The following NUP50 variants were observed in gnomAD, a reference collection of about 807,000 sequenced individuals.
NUP50 encodes the protein nucleoporin 50.
A neutral mutation model predicts 36.8 loss-of-function variants in NUP50; 14 were observed. The ratio of observed to expected loss-of-function variants is 0.38; its 90% CI spans 0.25 to 0.59. NUP50 has a LOEUF of 0.59. Among genes scored for constraint, NUP50 ranks in the 20% least tolerant of loss-of-function variants. The probability of loss-of-function intolerance (pLI) is 0.63; values close to 1 mark genes in which losing one functional copy is unlikely to be tolerated. For synonymous variants in NUP50, 195 were observed against 210.8 expected (o/e 0.93, Z 0.65); for missense variants, 455 against 564.6 (o/e 0.81, Z 1.97).
At position 45,178,643 on chromosome 22, in the gene NUP50, A is replaced by C. The variant is rs1280020208; in HGVS notation, c.746A>C (p.Lys249Thr). The C allele has an allele frequency of 6.2e-7, 1 of 1,611,916 alleles. No individual in the cohort carries two copies. Among genetic ancestry groups the C allele is most frequent in the African/African-American group, 1.3e-5 (1 of 74,854 alleles). Reference protein sequence around the residue: ...HGNKTEDTPDKKMEVASEKKT... With the variant: ...HGNKTEDTPDTKMEVASEKKT... ...AACAAAACTGAAGATACACCTGACA[A>C]GAAGATGGAGGTGGCATCTGAAAAG... Residue 249 changes from lysine (K) to threonine (T), a missense_variant, in exon 5 of 8, where the codon AAG (lysine) becomes ACG (threonine). By Grantham distance (78) the Lys-to-Thr change is moderately conservative (BLOSUM62 -1). Transcript: ENST00000347635.
At chr22:45,179,917 T>C (rs898185422) in intron 5 of NUP50, among the ~76,000 whole-genome samples, 1 of 152,212 alleles carries the variant, frequency 6.6e-6, no homozygotes, top group Admixed American at 6.5e-5. Flanking sequence ...CATATGGACA[T>C]ACTGATCCTT....
At chr22:45,168,741 G>C (rs947300824) in intron 2 of NUP50, among the ~76,000 whole-genome samples, 7 of 151,970 alleles carry the variant, frequency 4.6e-5, no homozygotes, top group African/African-American at 1.7e-4. Context: ...GTAGACCTGA[G>C]ACCCCTAACA....
At chr22:45,164,423 A>T (rs1360545366) in intron 1 of NUP50, 127 bp downstream of exon 1, 1 of 149,192 alleles carries the variant, frequency 6.7e-6, no homozygotes, top group African/African-American at 2.5e-5. Flanking sequence ...AGGGCTGGGG[A>T]CTGGACCCTG....
chr22:45,178,960 C>A, intron 5 of NUP50, 60 bp downstream of exon 5: 3 of 1,493,896 alleles, frequency 2.0e-6, no homozygotes, highest in South Asian at 2.6e-5. Context: ...TCTTGGGAAA[C>A]CCAGAGACTT....
At chr22:45,181,139 C>A in intron 5 of NUP50, 147 bp from the exon 6 acceptor site, 1 of 56,662 alleles carries the variant, frequency 1.8e-5, no homozygotes, top group Non-Finnish European at 4.3e-5. Context: ...CTGGCATCCC[C>A]CCCCCCCCCC....
Position 45,185,014 on chromosome 22 carries a change from C to T in NUP50, c.*359C>T, listed in dbSNP as rs575194821. 3 of 304,874 alleles carry T rather than the reference C, an allele frequency of 9.8e-6. No homozygotes were observed. The highest frequency in any genetic ancestry group is 1.9e-5 in the Non-Finnish European group (3 of 159,350). The allele number at this position is 304,874 out of a possible 1,614,324, so 18.9% of individuals were successfully genotyped here. Reference sequence around the variant, plus strand: ...CCGTGGGTTTTGGGGTCCACCGCCACCACGAGAGAGGCTTTTGAACAGGTG... The same window carrying T: ...CCGTGGGTTTTGGGGTCCACCGCCATCACGAGAGAGGCTTTTGAACAGGTG... On this transcript the variant is annotated 3_prime_UTR_variant, in exon 8 of 8. Coordinates refer to ENST00000347635, the MANE Select transcript of NUP50 (RefSeq NM_007172.4).
At chr22:45,184,374 A>C (rs1569058812) in intron 7 of NUP50, 79 bp from the exon 8 acceptor site, 2 of 1,257,796 alleles carry the variant, frequency 1.6e-6, no homozygotes, top group East Asian at 4.7e-5. Context: ...TTCAGCATTT[A>C]ATGTTTAGCA....
Position 45,178,498 on chromosome 22 carries a change from C to T in NUP50, c.601C>T (p.His201Tyr), listed in dbSNP as rs781194726. The T allele has an allele frequency of 1.2e-6, 2 of 1,612,176 alleles. No individual in the cohort carries two copies. Among genetic ancestry groups the T allele is most frequent in the Non-Finnish European group, 8.5e-7 (1 of 1,179,880 alleles). ...EKYLANIEQQ[H>Y]GNSGRNSESE... ...ATATTTAGCAAACATTGAACAGCAA[C>T]ACGGGAACAGTGGCAGGAATTCTGA... Residue 201 changes from histidine to tyrosine, a missense_variant, in exon 5 of 8, where the codon CAC becomes TAC. This residue lies in a region of NUP50 where 287 missense variants were observed against 345.5 expected (regional missense o/e 0.83). Transcript: ENST00000347635.
chr22:45,168,259 T>C lies in NUP50; in HGVS notation c.69+13T>C, dbSNP rs1373325113. On this transcript the variant is annotated intron_variant, in intron 2 of 7. Coordinates refer to ENST00000347635, the MANE Select transcript of NUP50 (RefSeq NM_007172.4). ...TGAAGCTGAAGAGGTAAAAAGCAGC[T>C]TCCCTAAGAATGATTTCCTGTTTCT... 3.1e-6 allele frequency: 5 copies of C among 1,593,734 alleles called. No individual in the cohort carries two copies. Among genetic ancestry groups the C allele is most frequent in the Non-Finnish European group, 3.4e-6 (4 of 1,169,278 alleles).
intron 5 of NUP50, among the ~76,000 whole-genome samples, chr22:45,180,982 ATTT>A (rs34406699): frequency 6.6e-6 from 1 of 150,566 alleles, no homozygotes. Flanking sequence ...TAGAGTGTTG[ATTT>A]TTTTTTTCTG....
chr22:45,171,895 C>CAAGA, intron 3 of NUP50: 1 of 470,956 alleles, frequency 2.1e-6, no homozygotes, highest in South Asian at 2.8e-5. Context: ...TAAATATAGA[C>CAAGA]AAATTCAAGT....
chr22:45,178,066 C>T (rs1016501892), intron 4 of NUP50, 172 bp from the exon 5 acceptor site: 4 of 611,230 alleles, frequency 6.5e-6, no homozygotes, highest in East Asian at 2.9e-5. Flanking sequence ...GCAGAGGTTG[C>T]AGTGAGCCAA....
chr22:45,168,356 A>G, intron 2 of NUP50, 110 bp downstream of exon 2: 1 of 727,268 alleles, frequency 1.4e-6, no homozygotes, highest in Admixed American at 2.9e-5. Flanking sequence ...TTCTAAGAAC[A>G]TCATGAATGG....
Position 45,178,628 on chromosome 22 carries a change from A to T in NUP50, c.731A>T (p.Glu244Val). 1 of 1,612,056 alleles carries T rather than the reference A, an allele frequency of 6.2e-7. No individual in the cohort carries two copies. The highest frequency in any genetic ancestry group is 8.5e-7 in the Non-Finnish European group (1 of 1,179,866). The change falls in exon 5 of 8, where the codon GAA becomes GTA. Residue 244 changes from glutamate (E) to valine (V), a missense_variant. Physicochemically the swap from Glu to Val is moderately radical, Grantham distance 121 (BLOSUM62 -2). Transcript: ENST00000347635. ...STFLFHGNKT[E>V]DTPDKKMEVA... ...TTTTTGTTTCATGGCAACAAAACTGAAGATACACCTGACAAGAAGATGGAG... is the reference window on the plus strand; with the variant it reads ...TTTTTGTTTCATGGCAACAAAACTGTAGATACACCTGACAAGAAGATGGAG...
At chr22:45,168,141 TA>T in intron 1 of NUP50, 26 bp from the exon 2 acceptor site, 1 of 1,514,180 alleles carries the variant, frequency 6.6e-7, no homozygotes, top group Non-Finnish European at 9.1e-7. Context: ...TCTAGAAAAA[TA>T]AACTCTTCTG....
intron 2 of NUP50, among the ~76,000 whole-genome samples, chr22:45,169,622 A>G (rs1259592251): frequency 6.6e-6 from 1 of 152,244 alleles, no homozygotes; most frequent in Admixed American, 6.5e-5. Flanking sequence ...AATAACCGGC[A>G]GATACAGGGT....
At chr22:45,173,504 G>C (rs2147679176) in intron 3 of NUP50, among the ~76,000 whole-genome samples, 1 of 152,228 alleles carries the variant, frequency 6.6e-6, no homozygotes, top group East Asian at 1.9e-4. Context: ...TCTTGGAAAT[G>C]CTGTATTTGA....
At chr22:45,165,131 G>C (rs2074075304) in intron 1 of NUP50, among the ~76,000 whole-genome samples, 2 of 152,234 alleles carry the variant, frequency 1.3e-5, no homozygotes, top group Middle Eastern at 6.8e-3. Context: ...CACAAATAAT[G>C]TTTTTTTCCA....
intron 3 of NUP50, among the ~76,000 whole-genome samples, chr22:45,173,182 C>G (rs867663327): frequency 6.6e-6 from 1 of 152,066 alleles, no homozygotes; most frequent in Non-Finnish European, 1.5e-5. Flanking sequence ...GAGATTAGGT[C>G]TTGTGTTTTG....
Sources: allele counts gnomAD v4.1 joint callset (sites outside exome capture counted in the v4.1 genomes callset), GRCh38; gene constraint gnomAD v4.1.1; regional missense constraint gnomAD v4.1.1; transcripts MANE v1.5; gene names NCBI Gene and HGNC (gene_info 2026-07-23, HGNC 2026-07-21).